The following STK31 variants were observed in gnomAD, a reference collection of about 807,000 sequenced individuals.
STK31 encodes serine/threonine-protein kinase 31.
In STK31, 89 loss-of-function variants were observed where a neutral mutation model predicts 129.7. The observed-to-expected ratio is 0.69, with a 90% CI of 0.58 to 0.82. The LOEUF is 0.82. STK31 is among the 40% of genes least tolerant of loss of function. STK31 has a pLI of 0.00. For missense variants in STK31, 1,187 were observed against 1,176.4 expected (o/e 1.01, Z -0.13); for synonymous variants, 448 against 395.3 (o/e 1.13, Z -1.58).
chr7:23,724,965 T>C (rs926545447), intron 4 of STK31, among the ~76,000 whole-genome samples: 2 of 152,234 alleles, frequency 1.3e-5, no homozygotes, highest in African/African-American at 4.8e-5. Context: ...AAATTAATTT[T>C]ATAATCCATA....
intron 15 of STK31, among the ~76,000 whole-genome samples, chr7:23,779,089 C>G (rs1378105388): frequency 6.6e-6 from 1 of 152,170 alleles, no homozygotes; most frequent in African/African-American, 2.4e-5. Context: ...TTCTAACAGT[C>G]AGTCCCCTCT....
chr7:23,774,403 G>T (rs1427100789), intron 15 of STK31, among the ~76,000 whole-genome samples: 1 of 152,186 alleles, frequency 6.6e-6, no homozygotes, highest in African/African-American at 2.4e-5. Flanking sequence ...CACCAACAGT[G>T]TAAAAGTGTT....
intron 14 of STK31, chr7:23,771,548 T>A (rs1334543840): frequency 6.5e-6 from 1 of 153,094 alleles, no homozygotes; most frequent in Non-Finnish European, 1.5e-5. Flanking sequence ...CTTCATTTAA[T>A]GGTATATTAT....
At chr7:23,791,357 C>T (rs1430605716) in intron 22 of STK31, 10 of 968,346 alleles carry the variant, frequency 1.0e-5, no homozygotes, top group South Asian at 4.8e-5. Flanking sequence ...TTATCCTAAG[C>T]GAATTTACTG....
chr7:23,715,972 C>G (rs1786290952), intron 3 of STK31, among the ~76,000 whole-genome samples: 2 of 152,090 alleles, frequency 1.3e-5, no homozygotes, highest in Non-Finnish European at 2.9e-5. Flanking sequence ...TCCTTTAATG[C>G]TAATGTGTTA....
intron 8 of STK31, among the ~76,000 whole-genome samples, chr7:23,748,761 TATAAC>T (rs1369785898): frequency 3.3e-5 from 5 of 152,224 alleles, no homozygotes; most frequent in Non-Finnish European, 2.9e-5. Context: ...ATATAATACA[TATAAC>T]ATACAGAATA....
rs1250252567 is a variant in STK31, at chr7:23,726,829, AGTT to A, written c.250-410_250-408del. On this transcript the variant is annotated intron_variant, in intron 4 of 23. Transcript: ENST00000355870. ...TGGTAGGAAATATGAATTCCACTATAGTTGAGAGTTAGACTTACGTGGCATGTA... is the reference window on the plus strand; with the variant it reads ...TGGTAGGAAATATGAATTCCACTATAGAGAGTTAGACTTACGTGGCATGTA... Among the ~76,000 whole-genome samples, 48 of 152,306 alleles carry A rather than the reference AGTT, an allele frequency of 3.2e-4. 2 individuals carry two copies. The East Asian group carries it at 9.1e-3, about 29-fold the overall frequency.
chr7:23,735,536 A>G lies in STK31; in HGVS notation c.484-2A>G. 1 of 1,577,376 alleles carries G rather than the reference A, an allele frequency of 6.3e-7. No homozygotes were observed. ...GCTGGTTTATGTTTTCTTCTTTCTT[A>G]GGGCACAACCTTTTTGGGGAGCTTG... On this transcript the variant is annotated splice_acceptor_variant, in intron 6 of 23. Coordinates refer to ENST00000355870, the MANE Select transcript of STK31 (RefSeq NM_031414.5). LOFTEE classifies it high-confidence loss of function.
At chr7:23,822,064 T>C (rs118171642) in intron 23 of STK31, among the ~76,000 whole-genome samples, 3,637 of 152,268 alleles carry the variant, frequency 0.024, 57 homozygotes, top group Middle Eastern at 0.058. Context: ...TATTTTGAAG[T>C]CAGTGTGATG....
intron 6 of STK31, among the ~76,000 whole-genome samples, chr7:23,729,792 G>A (rs6947502): frequency 0.084 from 12,815 of 152,212 alleles, 1,301 homozygotes; most frequent in African/African-American, 0.24. Flanking sequence ...TTACAAGCAT[G>A]AGCCACTGCG....
In STK31 at chr7:23,815,203, G is replaced by A. The variant is rs766726032; in HGVS notation, c.2820G>A (p.Gln940=). The A allele has an allele frequency of 1.9e-6, 3 of 1,578,164 alleles. No homozygotes were observed. In the South Asian group the frequency reaches 3.5e-5, roughly 18 times the overall value. ...AAGATGGAATCCCCAAAGTGGATCA[G>A]TTTCATCTGGTATGTGACCTTTTTG... ...INKDGIPKVD[Q]FHLDDKVKSL... is the part of the protein sequence containing the mutation. The change falls in exon 23 of 24, where the codon CAG becomes CAA. Residue 940 remains glutamine, a synonymous_variant. Coordinates refer to ENST00000355870, the MANE Select transcript of STK31 (RefSeq NM_031414.5).
intron 23 of STK31, among the ~76,000 whole-genome samples, chr7:23,817,600 A>G (rs1793550621): frequency 6.6e-6 from 1 of 152,200 alleles, no homozygotes. Flanking sequence ...AAATGTATGG[A>G]ACCATGTAGT....
At chr7:23,743,908 A>G (rs867648712) in intron 8 of STK31, among the ~76,000 whole-genome samples, 1 of 150,146 alleles carries the variant, frequency 6.7e-6, no homozygotes, top group Non-Finnish European at 1.5e-5. Flanking sequence ...TGTTTGATCT[A>G]GTATTTTTTG....
chr7:23,726,260 G>T (rs1787061640), intron 4 of STK31: 1 of 151,852 alleles, frequency 6.6e-6, no homozygotes, highest in Non-Finnish European at 1.5e-5. Context: ...AGTGTCTAGA[G>T]GCCAGAAGGG....
At chr7:23,727,339 T>C in intron 5 of STK31, 24 bp downstream of exon 5, 12 of 1,609,310 alleles carry the variant, frequency 7.5e-6, no homozygotes, top group Non-Finnish European at 1.0e-5. Flanking sequence ...TGTTCAGTTT[T>C]TTTTTGCTTT....
At chr7:23,831,481 G>A (rs913387620) in intron 23 of STK31, among the ~76,000 whole-genome samples, 1 of 151,850 alleles carries the variant, frequency 6.6e-6, no homozygotes, top group Non-Finnish European at 1.5e-5. Flanking sequence ...TCTTTTTGCA[G>A]CATACAATTG....
chr7:23,786,764 A>G (rs1368360146), intron 19 of STK31, 74 bp from the exon 20 acceptor site: 52 of 1,549,742 alleles, frequency 3.4e-5, no homozygotes, highest in Non-Finnish European at 4.0e-5. Context: ...AAATTATCCC[A>G]TAGAATCAAT....
rs757567571 is a variant in STK31, at chr7:23,717,553, G to A, written c.223G>A (p.Val75Ile). The A allele has an allele frequency of 8.7e-6, 14 of 1,612,578 alleles. No individual in the cohort carries two copies. The African/African-American group carries it at 1.9e-4, about 22-fold the overall frequency. The change falls in exon 4 of 24, where the codon GTT becomes ATT. Residue 75 changes from valine to isoleucine, a missense_variant. Physicochemically the swap from Val to Ile is conservative, Grantham distance 29. Coordinates refer to ENST00000355870, the MANE Select transcript of STK31 (RefSeq NM_031414.5). ...TGAAGTTTGCCCCCAGGCCAGTTCA[G>A]TTTTGGGGAATCTTGACCCAAACAA... ...LSEVCPQASS[V>I]LGNLDPNKIY...
intron 8 of STK31, 143 bp from the exon 9 acceptor site, chr7:23,752,574 C>T: frequency 1.5e-6 from 1 of 652,808 alleles, no homozygotes; most frequent in South Asian, 1.7e-5. Flanking sequence ...CTTCTGAGCT[C>T]AAACCATCTG....
Sources: gnomAD v4.1 joint callset for allele counts (sites outside exome capture counted in the v4.1 genomes callset) on GRCh38, gnomAD v4.1.1 for gene constraint, MANE v1.5 for transcripts, NCBI Gene and HGNC (gene_info 2026-07-23, HGNC 2026-07-21) for gene names.